Variants in SHOC1 observed in about 807,000 individuals in gnomAD.
The protein encoded by SHOC1 is protein shortage in chiasmata 1 ortholog.
A neutral mutation model predicts 179.2 loss-of-function variants in SHOC1; 136 were observed. The observed-to-expected ratio is 0.76, with a 90% CI of 0.66 to 0.87. SHOC1 has a LOEUF of 0.87. Ranked by LOEUF, SHOC1 falls within the 40% of genes least tolerant of loss-of-function variation. SHOC1 has a pLI of 0.00. For missense variants in SHOC1, 1,538 were observed against 1,700.8 expected (o/e 0.90, Z 1.68); for synonymous variants, 489 against 586.6 (o/e 0.83, Z 2.41).
intron 5 of SHOC1, among the ~76,000 whole-genome samples, chr9:111,775,536 A>G (rs1233377143): frequency 1.3e-5 from 2 of 152,188 alleles, no homozygotes; most frequent in Non-Finnish European, 2.9e-5. Flanking sequence ...TTATAGCAGT[A>G]TGTTGAAGGC....
At chr9:111,779,114 A>AG (rs1554723713) in intron 4 of SHOC1, among the ~76,000 whole-genome samples, 24 of 129,806 alleles carry the variant, frequency 1.8e-4, no homozygotes, top group East Asian at 2.2e-4. Context: ...AAAAAAAAAA[A>AG]AGAGAGAGAG....
chr9:111,763,681 A>T (rs1286044273), intron 5 of SHOC1, among the ~76,000 whole-genome samples: 18 of 152,192 alleles, frequency 1.2e-4, no homozygotes, highest in Admixed American at 1.2e-3. Context: ...ACTGTACTAA[A>T]AGGAACGAAA....
intron 12 of SHOC1, among the ~76,000 whole-genome samples, chr9:111,729,143 T>G (rs1833450328): frequency 7.8e-6 from 1 of 128,882 alleles, no homozygotes; most frequent in African/African-American, 2.8e-5. Flanking sequence ...TGAGACATGG[T>G]CCTCCTCTGT....
chr9:111,724,993 G>C (rs543495362), intron 13 of SHOC1, among the ~76,000 whole-genome samples: 1 of 151,934 alleles, frequency 6.6e-6, no homozygotes, highest in South Asian at 2.1e-4. Flanking sequence ...TATTATAGAG[G>C]ATTTACACAC....
intron 11 of SHOC1, among the ~76,000 whole-genome samples, chr9:111,740,751 T>C (rs1273971481): frequency 6.6e-6 from 1 of 152,078 alleles, no homozygotes; most frequent in Non-Finnish European, 1.5e-5. Flanking sequence ...TTTGTATTTT[T>C]AGTAGAGAGG....
Position 111,705,312 on chromosome 9 carries a change from T to G in SHOC1, c.2790A>C (p.Pro930=). Residue 930 remains proline, a synonymous_variant, in exon 21 of 28, where the codon CCA becomes CCC. Transcript: ENST00000682961. ...FGGFLLEIQI[P]YVFFASEGLL... ...GTCCTTCAGATGCAAAAAACACATA[T>G]GGAATCTGAATTTCCAAAAGAAAAC... 2 of 1,594,440 alleles carry G rather than the reference T, an allele frequency of 1.3e-6. No homozygotes were observed. The highest frequency in any genetic ancestry group is 2.3e-5 in the South Asian group (2 of 87,740).
At chr9:111,736,487 G>T (rs1833816988) in intron 12 of SHOC1, among the ~76,000 whole-genome samples, 1 of 152,134 alleles carries the variant, frequency 6.6e-6, no homozygotes, top group Non-Finnish European at 1.5e-5. Flanking sequence ...TTCAATAAAT[G>T]GTTCTGGGAT....
At chr9:111,734,357 A>AT (rs1489971963) in intron 12 of SHOC1, among the ~76,000 whole-genome samples, 1 of 152,192 alleles carries the variant, frequency 6.6e-6, no homozygotes, top group Non-Finnish European at 1.5e-5. Context: ...TTATATGGAT[A>AT]TTTCAAGACC....
chr9:111,756,161 G>A (rs1419891242), intron 8 of SHOC1, among the ~76,000 whole-genome samples, 164 bp downstream of exon 8: 1 of 152,102 alleles, frequency 6.6e-6, no homozygotes, highest in Non-Finnish European at 1.5e-5. Context: ...AAATGACAAT[G>A]AGAAAATAAT....
intron 14 of SHOC1, 37 bp from the exon 15 acceptor site, chr9:111,722,622 A>G (rs1482313018): frequency 4.5e-6 from 7 of 1,553,992 alleles, no homozygotes; most frequent in Non-Finnish European, 6.1e-6. Flanking sequence ...GTGTTTTAAT[A>G]AAGATGGTAT....
At chr9:111,690,926 C>G (rs1475594690) in intron 27 of SHOC1, among the ~76,000 whole-genome samples, 1 of 152,152 alleles carries the variant, frequency 6.6e-6, no homozygotes, top group African/African-American at 2.4e-5. Flanking sequence ...GGGAAGGCCA[C>G]CTTTGTACGG....
chr9:111,747,131 A>G (rs762086177), intron 9 of SHOC1, among the ~76,000 whole-genome samples: 7 of 152,290 alleles, frequency 4.6e-5, no homozygotes, highest in African/African-American at 1.4e-4. Flanking sequence ...ACAAAATTAT[A>G]TATCTATAGG....
chr9:111,756,515 C>T (rs765612784), intron 7 of SHOC1, 37 bp from the exon 8 acceptor site: 3 of 1,543,368 alleles, frequency 1.9e-6, no homozygotes, highest in Non-Finnish European at 2.6e-6. Flanking sequence ...TTTAGAGAGG[C>T]TTTCCAAATA....
chr9:111,697,378 TC>T (rs903507106), intron 24 of SHOC1, among the ~76,000 whole-genome samples: 1 of 152,106 alleles, frequency 6.6e-6, no homozygotes, highest in Admixed American at 6.6e-5. Flanking sequence ...TGTGTGATGT[TC>T]CCCATCCTGT....
At chr9:111,686,939 C>CTTTT (rs10537471) in intron 27 of SHOC1, 69 bp from the exon 28 acceptor site, 953 of 520,194 alleles carry the variant, frequency 1.8e-3, no homozygotes, top group East Asian at 3.4e-3. Context: ...TTTTCTTTTC[C>CTTTT]TTTTTTTTTT....
chr9:111,788,608 T>C (rs1836345665), intron 2 of SHOC1, among the ~76,000 whole-genome samples: 1 of 152,226 alleles, frequency 6.6e-6, no homozygotes, highest in Admixed American at 6.5e-5. Flanking sequence ...AGCTAAAATA[T>C]ATGTGTAAGT....
At position 111,691,675 on chromosome 9, in the gene SHOC1, A is replaced by G; in HGVS notation, c.4302T>C (p.Ser1434=). The stretch of plus-strand genomic sequence containing the variant: ...ATTCTTTTTGATTTGCATTAGAATC[A>G]GAAGCACGAAATAAATCCAAACTGG... ...SVPSLDLFRA[S]DSNANQKEFN... The change falls in exon 27 of 28, where the codon TCT becomes TCC. Residue 1434 remains serine, a synonymous_variant. Transcript: ENST00000682961. The G allele has an allele frequency of 6.2e-7, 1 of 1,614,032 alleles. No homozygotes were observed. The highest frequency in any genetic ancestry group is 2.2e-5 in the East Asian group (1 of 44,864).
intron 4 of SHOC1, 147 bp downstream of exon 4, chr9:111,780,783 G>T: frequency 1.9e-6 from 1 of 517,746 alleles, no homozygotes; most frequent in Admixed American, 3.8e-5. Context: ...ACTCCTTTGT[G>T]GTTCAAATTA....
chr9:111,707,823 T>C, intron 19 of SHOC1, 32 bp downstream of exon 19: 2 of 1,402,442 alleles, frequency 1.4e-6, no homozygotes, highest in Non-Finnish European at 2.0e-6. Context: ...CTGGTACGTT[T>C]GTTCCTCACA....
Sources: gnomAD v4.1 joint callset for allele counts (sites outside exome capture counted in the v4.1 genomes callset) on GRCh38, gnomAD v4.1.1 for gene constraint, MANE v1.5 for transcripts, NCBI Gene and HGNC (gene_info 2026-07-23, HGNC 2026-07-21) for gene names.